Variants in SPIDR observed in about 807,000 individuals in gnomAD.
SPIDR encodes DNA repair-scaffolding protein.
In SPIDR, 93 loss-of-function variants were observed where a neutral mutation model predicts 104.6. The observed-to-expected ratio is 0.89, with a 90% confidence interval of 0.75 to 1.06. The LOEUF (loss-of-function observed/expected upper bound fraction) is 1.06. SPIDR is among the 50% of genes least tolerant of loss of function. SPIDR has a pLI of 0.00. For missense variants in SPIDR, 1,154 were observed against 1,111.2 expected (o/e 1.04, Z -0.55); for synonymous variants, 431 against 416.9 (o/e 1.03, Z -0.41).
At chr8:47,322,026 T>C (rs575100604) in intron 5 of SPIDR, among the ~76,000 whole-genome samples, 24 of 152,280 alleles carry the variant, frequency 1.6e-4, no homozygotes, top group African/African-American at 5.5e-4. Context: ...ATTCAGGACA[T>C]GGGCATGGGC....
In SPIDR at chr8:47,727,561, T is replaced by TA. The variant is rs963477728; in HGVS notation, c.2435+275dup. Reference sequence around the variant, plus strand: ...CTCCTTTATTATCAGCCAGGAGAATTAAAAAAACAGGACAAACATGAATAA... The same window carrying TA: ...CTCCTTTATTATCAGCCAGGAGAATTAAAAAAAACAGGACAAACATGAATAA... On this transcript the variant is annotated intron_variant, in intron 17 of 19. Coordinates refer to ENST00000297423, the MANE Select transcript of SPIDR (RefSeq NM_001080394.4). 9.9e-5 allele frequency among the ~76,000 whole-genome samples: 15 copies of TA among 152,182 alleles called. No individual in the cohort carries two copies. The South Asian group carries it at 1.2e-3, about 13-fold the overall frequency.
At chr8:47,270,176 C>T (rs1349029400) in intron 1 of SPIDR, among the ~76,000 whole-genome samples, 1 of 151,992 alleles carries the variant, frequency 6.6e-6, no homozygotes, top group Non-Finnish European at 1.5e-5. Context: ...GGAAGTATTT[C>T]CTCTTCTGTA....
intron 8 of SPIDR, among the ~76,000 whole-genome samples, chr8:47,499,399 C>G (rs944281685): frequency 6.6e-6 from 1 of 152,140 alleles, no homozygotes; most frequent in African/African-American, 2.4e-5. Flanking sequence ...TAGTTCCACC[C>G]CAGGCTCTCT....
chr8:47,700,281 A>G, intron 11 of SPIDR, 122 bp from the exon 12 acceptor site: 1 of 1,011,288 alleles, frequency 9.9e-7, no homozygotes, highest in Non-Finnish European at 1.6e-6. Flanking sequence ...ATCGCCACAC[A>G]TCTCGAATTG....
intron 16 of SPIDR, among the ~76,000 whole-genome samples, chr8:47,721,909 C>T (rs1020433299): frequency 1.3e-5 from 2 of 152,092 alleles, no homozygotes; most frequent in Non-Finnish European, 2.9e-5. Flanking sequence ...TTGTTGATAT[C>T]CACAAAATAA....
intron 5 of SPIDR, among the ~76,000 whole-genome samples, chr8:47,300,726 A>G (rs1399294349): frequency 6.6e-6 from 1 of 152,218 alleles, no homozygotes; most frequent in African/African-American, 2.4e-5. Context: ...ATTCAGGAGC[A>G]GATTGTCCAG....
chr8:47,357,254 A>G (rs1349269880), intron 5 of SPIDR, among the ~76,000 whole-genome samples: 1 of 152,204 alleles, frequency 6.6e-6, no homozygotes, highest in African/African-American at 2.4e-5. Flanking sequence ...CTGGCATCCA[A>G]ATTTCTGGAC....
intron 10 of SPIDR, among the ~76,000 whole-genome samples, chr8:47,653,811 C>G (rs1321894401): frequency 6.6e-6 from 1 of 151,618 alleles, no homozygotes; most frequent in Non-Finnish European, 1.5e-5. Context: ...GAGAAAAGAG[C>G]TCCTCAAGTT....
intron 8 of SPIDR, among the ~76,000 whole-genome samples, chr8:47,510,652 T>A (rs1312534526): frequency 6.6e-6 from 1 of 152,156 alleles, no homozygotes; most frequent in Non-Finnish European, 1.5e-5. Context: ...CAAATATACT[T>A]GTTGAATTGT....
At chr8:47,469,734 G>A (rs1257998850) in intron 8 of SPIDR, among the ~76,000 whole-genome samples, 1 of 152,132 alleles carries the variant, frequency 6.6e-6, no homozygotes, top group African/African-American at 2.4e-5. Flanking sequence ...GTGGGCGGAA[G>A]GAGGGAGAGG....
intron 19 of SPIDR, chr8:47,732,237 C>T (rs926527300): frequency 7.1e-6 from 5 of 701,938 alleles, no homozygotes; most frequent in Non-Finnish European, 1.3e-5. Context: ...CTAGAATATT[C>T]CCATAGGTAA....
intron 5 of SPIDR, among the ~76,000 whole-genome samples, chr8:47,310,905 G>A (rs1273640833): frequency 6.6e-6 from 1 of 152,064 alleles, no homozygotes; most frequent in African/African-American, 2.4e-5. Flanking sequence ...AATGTACTAT[G>A]CACAGTGTCC....
chr8:47,571,236 G>A (rs2058486827), intron 8 of SPIDR, among the ~76,000 whole-genome samples: 2 of 152,128 alleles, frequency 1.3e-5, no homozygotes, highest in African/African-American at 4.8e-5. Flanking sequence ...GGACAGCATG[G>A]TATCTACAGT....
At chr8:47,731,667 C>G (rs143624487) in intron 19 of SPIDR, among the ~76,000 whole-genome samples, 99 of 152,308 alleles carry the variant, frequency 6.5e-4, no homozygotes, top group African/African-American at 2.4e-3. Flanking sequence ...GCTTTTCTGT[C>G]CTTAAGGAAG....
intron 8 of SPIDR, among the ~76,000 whole-genome samples, chr8:47,459,306 C>G (rs2154352395): frequency 6.6e-6 from 1 of 152,102 alleles, no homozygotes. Context: ...ATTACCGTTT[C>G]AACCTCGCTG....
chr8:47,327,055 A>G (rs1181749055), intron 5 of SPIDR, among the ~76,000 whole-genome samples: 1 of 152,170 alleles, frequency 6.6e-6, no homozygotes, highest in Non-Finnish European at 1.5e-5. Flanking sequence ...CATTCCTGTT[A>G]GCAACGCACA....
At chr8:47,415,193 A>G (rs1395356313) in intron 7 of SPIDR, among the ~76,000 whole-genome samples, 1 of 152,014 alleles carries the variant, frequency 6.6e-6, no homozygotes, top group African/African-American at 2.4e-5. Context: ...ATGAGCCACC[A>G]TGCCCGGCCT....
At chr8:47,715,696 A>G (rs912212741) in intron 16 of SPIDR, among the ~76,000 whole-genome samples, 1 of 152,174 alleles carries the variant, frequency 6.6e-6, no homozygotes, top group African/African-American at 2.4e-5. Context: ...ATAACATTTC[A>G]TTGCACAGAT....
intron 8 of SPIDR, among the ~76,000 whole-genome samples, chr8:47,464,420 G>A (rs1412775521): frequency 6.6e-6 from 1 of 152,192 alleles, no homozygotes. Context: ...GGAAGACCTG[G>A]TGCATTCCTA....
Sources: allele counts gnomAD v4.1 joint callset (sites outside exome capture counted in the v4.1 genomes callset), GRCh38; gene constraint gnomAD v4.1.1; transcripts MANE v1.5; gene names NCBI Gene and HGNC (gene_info 2026-07-23, HGNC 2026-07-21).